The following ARHGEF3 variants were observed in gnomAD, a reference collection of about 807,000 sequenced individuals.
ARHGEF3 encodes the protein 59.8 kDA protein.
Under a neutral mutation model 63.2 loss-of-function variants are expected in ARHGEF3, and 28 were observed. The observed-to-expected ratio is 0.44, with a 90% CI of 0.33 to 0.61. The LOEUF (loss-of-function observed/expected upper bound fraction) is 0.61. Among genes scored for constraint, ARHGEF3 ranks in the 20% least tolerant of loss-of-function variants. The pLI, the probability that ARHGEF3 is intolerant of heterozygous loss-of-function variation, is 0.03. For missense variants in ARHGEF3, 533 were observed against 659.3 expected (o/e 0.81, Z 2.10); for synonymous variants, 266 against 254.2 (o/e 1.05, Z -0.44).
At position 57,002,483 on chromosome 3, in the gene ARHGEF3, A is replaced by ATATATATATATATGT. The variant is rs55817937; in HGVS notation, c.62+32590_62+32604dup. ...AGCACTATATATATATATATGTTAT[A>ATATATATATATATGT]TATATATATATATGTTATATATATA... On this transcript the variant is annotated intron_variant, in intron 2 of 12. Coordinates refer to the ARHGEF3 transcript ENST00000338458. Among the ~76,000 whole-genome samples the ATATATATATATATGT allele has an allele frequency of 3.0e-3, 122 of 40,482 alleles. 1 individual carries two copies. The highest frequency in any genetic ancestry group is 8.0e-3 in the South Asian group (9 of 1,120). 26.6% of individuals were successfully genotyped at this position (40,482 alleles called of 152,430 possible).
intron 3 of ARHGEF3, among the ~76,000 whole-genome samples, chr3:56,897,497 C>T (rs1253526443): frequency 6.6e-6 from 1 of 152,028 alleles, no homozygotes; most frequent in African/African-American, 2.4e-5. Context: ...AGGGAAAAAA[C>T]ATGCATGTAT....
chr3:57,035,510 G>A (rs952027280), intron 1 of ARHGEF3, among the ~76,000 whole-genome samples: 1 of 152,070 alleles, frequency 6.6e-6, no homozygotes, highest in South Asian at 2.1e-4. Flanking sequence ...CACCACACCC[G>A]GCTAATTTTT....
At chr3:57,007,802 G>C (rs776085410) in intron 2 of ARHGEF3, among the ~76,000 whole-genome samples, 5 of 152,220 alleles carry the variant, frequency 3.3e-5, no homozygotes, top group Non-Finnish European at 7.3e-5. Flanking sequence ...ATTACGAGCA[G>C]AGTGAGCAAG....
At chr3:56,788,500 G>A (rs2107906664) in intron 1 of ARHGEF3, among the ~76,000 whole-genome samples, 1 of 152,244 alleles carries the variant, frequency 6.6e-6, no homozygotes, top group East Asian at 1.9e-4. Context: ...TAGTTGTCTA[G>A]CTCTTTACCA....
chr3:56,869,869 A>G (rs2040379483), intron 4 of ARHGEF3, among the ~76,000 whole-genome samples: 1 of 152,216 alleles, frequency 6.6e-6, no homozygotes, highest in Non-Finnish European at 1.5e-5. Flanking sequence ...CAAAAATCTC[A>G]GTCAAAATAG....
At chr3:56,817,339 C>T (rs921046797) in intron 4 of ARHGEF3, among the ~76,000 whole-genome samples, 4 of 152,092 alleles carry the variant, frequency 2.6e-5, no homozygotes, top group East Asian at 1.9e-4. Context: ...GGAGGAGGAA[C>T]GAATCTCTTC....
intron 3 of ARHGEF3, among the ~76,000 whole-genome samples, chr3:56,921,240 G>GA (rs1488571805): frequency 4.0e-5 from 6 of 151,142 alleles, no homozygotes; most frequent in African/African-American, 9.7e-5. Context: ...AAAAAGGTTG[G>GA]AAAAAATCTC....
At chr3:56,943,180 T>C (rs1296166854) in intron 3 of ARHGEF3, among the ~76,000 whole-genome samples, 3 of 152,208 alleles carry the variant, frequency 2.0e-5, no homozygotes, top group Non-Finnish European at 2.9e-5. Flanking sequence ...GCTAGAGCTT[T>C]CCTAGCTAGA....
At chr3:56,817,407 A>G (rs2038314443) in intron 4 of ARHGEF3, among the ~76,000 whole-genome samples, 2 of 152,360 alleles carry the variant, frequency 1.3e-5, no homozygotes, top group African/African-American at 4.8e-5. Context: ...AGATTTTTAA[A>G]CAATTTCTAA....
chr3:56,822,029 A>AGAAGAGAAGAGAAGC (rs1559968746), intron 4 of ARHGEF3, among the ~76,000 whole-genome samples: 1 of 147,378 alleles, frequency 6.8e-6, no homozygotes, highest in African/African-American at 2.5e-5. Context: ...AGAAGAGAAG[A>AGAAGAGAAGAGAAGC]GAAGCGAGGA....
At chr3:56,758,049 G>A (rs1227617594) in intron 2 of ARHGEF3, among the ~76,000 whole-genome samples, 24 of 151,228 alleles carry the variant, frequency 1.6e-4, no homozygotes, top group East Asian at 9.9e-4. Flanking sequence ...AGGCTGAGGC[G>A]GGCGGATCAC....
Position 57,038,452 on chromosome 3 carries a change from T to C in ARHGEF3, c.-27-3276A>G, listed in dbSNP as rs536941915. On this transcript the variant is annotated intron_variant, in intron 1 of 12. Coordinates refer to the ARHGEF3 transcript ENST00000338458. Reference sequence around the variant, plus strand: ...ACCTAGGGGTTTCATACCATTGTTTTGTTTGTTTTTAAGGCAGAGTCTTGC... The same window carrying C: ...ACCTAGGGGTTTCATACCATTGTTTCGTTTGTTTTTAAGGCAGAGTCTTGC... 2.0e-5 allele frequency among the ~76,000 whole-genome samples: 3 copies of C among 152,218 alleles called. No homozygotes were observed. The East Asian group carries it at 5.8e-4, about 29-fold the overall frequency.
chr3:56,832,222 A>G (rs1360946525), intron 4 of ARHGEF3, among the ~76,000 whole-genome samples: 3 of 152,248 alleles, frequency 2.0e-5, no homozygotes, highest in African/African-American at 7.2e-5. Flanking sequence ...TTTTTCAAAA[A>G]AGGTGAAAAA....
intron 3 of ARHGEF3, among the ~76,000 whole-genome samples, chr3:56,943,913 C>CAAA (rs71621851): frequency 7.4e-5 from 9 of 121,914 alleles, no homozygotes; most frequent in Admixed American, 6.9e-4. Context: ...GACTCCGACT[C>CAAA]AAAAAAAAAA....
intron 2 of ARHGEF3, chr3:57,007,051 C>T: frequency 1.2e-6 from 1 of 813,744 alleles, no homozygotes; most frequent in Non-Finnish European, 1.6e-6. Flanking sequence ...TCACACTGTG[C>T]TCCTCACTCT....
At chr3:57,010,910 A>G (rs947665634) in intron 2 of ARHGEF3, among the ~76,000 whole-genome samples, 1 of 152,250 alleles carries the variant, frequency 6.6e-6, no homozygotes. Flanking sequence ...AGAAAGAAAG[A>G]TTAAAAGCAG....
intron 2 of ARHGEF3, among the ~76,000 whole-genome samples, chr3:57,019,458 G>A (rs981529827): frequency 6.6e-6 from 1 of 152,066 alleles, no homozygotes; most frequent in Non-Finnish European, 1.5e-5. Context: ...AAGAAAGGGG[G>A]CTCGAAAGGA....
chr3:56,984,376 A>C (rs1233768091), intron 2 of ARHGEF3, among the ~76,000 whole-genome samples: 2 of 152,148 alleles, frequency 1.3e-5, no homozygotes. Context: ...CCCTCAATCC[A>C]TGATGGATGG....
intron 2 of ARHGEF3, among the ~76,000 whole-genome samples, chr3:56,765,052 C>T (rs913857246): frequency 4.6e-5 from 7 of 152,078 alleles, no homozygotes; most frequent in Non-Finnish European, 5.9e-5. Context: ...CCACCGCACC[C>T]GGCCCAATAT....
Sources: allele counts gnomAD v4.1 joint callset (sites outside exome capture counted in the v4.1 genomes callset), GRCh38; gene constraint gnomAD v4.1.1; transcripts MANE v1.5; gene names NCBI Gene and HGNC (gene_info 2026-07-23, HGNC 2026-07-21).